Variants in LGALS9 observed in about 807,000 individuals in gnomAD.
LGALS9 encodes galectin 9, also known as galectin-9.
Under a neutral mutation model 35.9 loss-of-function variants are expected in LGALS9, and 26 were observed. The ratio of observed to expected loss-of-function variants is 0.72; its 90% CI spans 0.53 to 1.01. The LOEUF is 1.01. Among genes scored for constraint, LGALS9 ranks in the 50% least tolerant of loss-of-function variants. The pLI is 0.00. For synonymous variants in LGALS9, 149 were observed against 172.2 expected, an observed-to-expected ratio of 0.87 and a Z score of 1.06; for missense variants, 347 against 445.8, an observed-to-expected ratio of 0.78 and a Z score of 1.99.
chr17:27,636,631 A>G (rs1393476435), intron 1 of LGALS9, among the ~76,000 whole-genome samples: 3 of 151,932 alleles, frequency 2.0e-5, no homozygotes, highest in Admixed American at 6.6e-5. Context: ...CACCACACCT[A>G]GCTATTTTTT....
At chr17:27,637,475 C>T (rs1218900852) in intron 1 of LGALS9, among the ~76,000 whole-genome samples, 1 of 152,200 alleles carries the variant, frequency 6.6e-6, no homozygotes, top group Non-Finnish European at 1.5e-5. Context: ...CACCATGGCC[C>T]ATCACTCCTT....
chr17:27,642,218 C>T lies in LGALS9; in HGVS notation c.334-20C>T. On this transcript the variant is annotated intron_variant, in intron 3 of 10. Coordinates refer to ENST00000395473, the MANE Select transcript of LGALS9 (RefSeq NM_009587.3). ...CCAGCCTGGGATGCCTCCCCCAGAA[C>T]ATGTGCTCTCCTCTGGCAGGTGATG... The T allele has an allele frequency of 1.3e-6, 2 of 1,557,314 alleles. No individual in the cohort carries two copies. Among genetic ancestry groups the T allele is most frequent in the Non-Finnish European group, 1.8e-6 (2 of 1,134,968 alleles).
At chr17:27,639,927 G>A (rs150466352) in intron 2 of LGALS9, among the ~76,000 whole-genome samples, 27 of 152,196 alleles carry the variant, frequency 1.8e-4, no homozygotes, top group African/African-American at 5.8e-4. Context: ...TAGTCGAGAC[G>A]GGGTTTTACC....
Position 27,640,984 on chromosome 17 carries a change from T to G in LGALS9, c.333+211T>G, listed in dbSNP as rs573880035. The G allele has an allele frequency of 1.3e-4, 103 of 813,490 alleles. No individual in the cohort carries two copies. In the African/African-American group the frequency reaches 1.6e-3, roughly 13 times the overall value. The allele number at this position is 813,490 out of a possible 1,614,324, so 50.4% of individuals were successfully genotyped here. A position where few individuals can be genotyped will look rare whatever the true frequency, so the allele number is the denominator to read the frequency against. ...CTACAGGTGCACCTGCTGCTTCTTT[T>G]ACTCTGAAAATAAGAACTAGAGGAG... is the stretch of plus-strand genomic sequence containing the variant. On this transcript the variant is annotated intron_variant, in intron 3 of 10. Transcript: ENST00000395473.
chr17:27,634,237 C>G (rs78333678), intron 1 of LGALS9, among the ~76,000 whole-genome samples: 1 of 152,144 alleles, frequency 6.6e-6, no homozygotes. Context: ...GCTTATGACC[C>G]CTCCTGCCAT....
At position 27,647,392 on chromosome 17, in the gene LGALS9, T is replaced by G. The variant is rs1377472730; in HGVS notation, c.881T>G (p.Leu294Arg). The change falls in exon 10 of 11, where the codon CTG becomes CGG. Residue 294 changes from leucine to arginine, a missense_variant. Transcript: ENST00000395473. ...DNSWGSEERS[L>R]PRKMPFVRGQ... ...TCCTGGGGGTCTGAGGAGCGAAGTC[T>G]GCCCCGAAAAATGCCCTTCGTCCGT... The G allele has an allele frequency of 1.9e-6, 3 of 1,614,170 alleles. No individual in the cohort carries two copies. Among genetic ancestry groups the G allele is most frequent in the Non-Finnish European group, 2.5e-6 (3 of 1,180,030 alleles).
At chr17:27,638,968 C>G (rs979484487) in intron 2 of LGALS9, among the ~76,000 whole-genome samples, 2 of 152,262 alleles carry the variant, frequency 1.3e-5, no homozygotes, top group Middle Eastern at 3.4e-3. Context: ...CGAGGCACCC[C>G]GACCGGGTGG....
In LGALS9 at chr17:27,640,600, A is replaced by C. The variant is rs371419915; in HGVS notation, c.160A>C (p.Ser54Arg). Residue 54 changes from serine to arginine, a missense_variant, in exon 3 of 11, where the codon AGT becomes CGT. Coordinates refer to ENST00000395473, the MANE Select transcript of LGALS9 (RefSeq NM_009587.3). ...TGCTGTGAACTTTCAGACTGGCTTC[A>C]GTGGAAATGACATTGCCTTCCACTT... ...RFAVNFQTGF[S>R]GNDIAFHFNP... is the part of the protein sequence containing the mutation. 1.2e-6 allele frequency: 2 copies of C among 1,614,146 alleles called. No individual in the cohort carries two copies. The highest frequency in any genetic ancestry group is 1.7e-6 in the Non-Finnish European group (2 of 1,179,960).
At chr17:27,646,509 G>A in intron 7 of LGALS9, 38 bp from the exon 8 acceptor site, 1 of 1,611,980 alleles carries the variant, frequency 6.2e-7, no homozygotes, top group Non-Finnish European at 8.5e-7. Flanking sequence ...GCGCACCCAT[G>A]TGCTCTCCCA....
chr17:27,645,959 T>G (rs1265330416), intron 7 of LGALS9, 48 bp downstream of exon 7: 2 of 1,612,794 alleles, frequency 1.2e-6, no homozygotes, highest in South Asian at 2.2e-5. Context: ...GTGTCCTCCT[T>G]CACCAAAAAC....
At chr17:27,646,911 T>C in intron 8 of LGALS9, 119 bp from the exon 9 acceptor site, 1 of 1,471,156 alleles carries the variant, frequency 6.8e-7, no homozygotes, top group Non-Finnish European at 9.3e-7. Context: ...TCCTTTGGCT[T>C]TTATGGAACC....
intron 2 of LGALS9, among the ~76,000 whole-genome samples, chr17:27,639,260 G>A (rs1215578180): frequency 1.3e-5 from 2 of 152,162 alleles, no homozygotes; most frequent in Non-Finnish European, 2.9e-5. Flanking sequence ...GCCAAGGGCA[G>A]GGAGGCCCCG....
Position 27,648,886 on chromosome 17 carries a change from G to C in LGALS9, c.972G>C (p.Gln324His). 1.2e-6 allele frequency: 2 copies of C among 1,613,922 alleles called. No individual in the cohort carries two copies. Among genetic ancestry groups the C allele is most frequent in the Non-Finnish European group, 1.7e-6 (2 of 1,179,850 alleles). ...AHCLKVAVDG[Q>H]HLFEYYHRLR... Reference sequence around the variant, plus strand: ...GCCTCAAGGTGGCCGTGGATGGTCAGCACCTGTTTGAATACTACCATCGCC... The same window carrying C: ...GCCTCAAGGTGGCCGTGGATGGTCACCACCTGTTTGAATACTACCATCGCC... The change falls in exon 11 of 11, where the codon CAG becomes CAC. Residue 324 changes from glutamine (Q) to histidine (H), a missense_variant. Gln to His is a conservative substitution (Grantham distance 24). Transcript: ENST00000395473.
Position 27,646,595 on chromosome 17 carries a change from G to C in LGALS9, c.669+7G>C. 5 of 1,612,760 alleles carry C rather than the reference G, an allele frequency of 3.1e-6. No homozygotes were observed. The highest frequency in any genetic ancestry group is 4.2e-6 in the Non-Finnish European group (5 of 1,179,968). On this transcript the variant is annotated splice_region_variant and intron_variant, in intron 8 of 10. Transcript: ENST00000395473. ...GTACCCCCACCCCGCCTATGTAAGT[G>C]GTTTCTCAGGGAGGGCAGAGGTTCT...
Position 27,638,208 on chromosome 17 carries a change from G to A in LGALS9, c.40-55G>A, listed in dbSNP as rs547293471. On this transcript the variant is annotated intron_variant, in intron 1 of 10. Coordinates refer to ENST00000395473, the MANE Select transcript of LGALS9 (RefSeq NM_009587.3). ...GCTGGCCACTGACTAGCGCTGGAGGGGAGCAAACGGGAGGCCGGCCACCTG... is the reference window on the plus strand; with the variant it reads ...GCTGGCCACTGACTAGCGCTGGAGGAGAGCAAACGGGAGGCCGGCCACCTG... The A allele has an allele frequency of 2.5e-4, 194 of 765,028 alleles. 7 individuals carry two copies. The highest frequency in any genetic ancestry group is 3.9e-4 in the Non-Finnish European group (168 of 433,780). 47.4% of individuals were successfully genotyped at this position (765,028 alleles called of 1,614,324 possible).
intron 10 of LGALS9, among the ~76,000 whole-genome samples, chr17:27,647,754 C>T (rs537748607): frequency 6.6e-6 from 1 of 152,312 alleles, no homozygotes; most frequent in African/African-American, 2.4e-5. Context: ...ATTTTCTTGT[C>T]GCCTGCTTTG....
Position 27,640,706 on chromosome 17 carries a change from C to T in LGALS9, c.266C>T (p.Thr89Ile). ...NGSWGPEERK[T>I]HMPFQKGMPF... Reference sequence around the variant, plus strand: ...AGCTGGGGGCCCGAGGAGAGGAAGACACACATGCCTTTCCAGAAGGGGATG... The same window carrying T: ...AGCTGGGGGCCCGAGGAGAGGAAGATACACATGCCTTTCCAGAAGGGGATG... Residue 89 changes from threonine to isoleucine, a missense_variant, in exon 3 of 11, where the codon ACA becomes ATA. Physicochemically the swap from Thr to Ile is moderately conservative, Grantham distance 89 (BLOSUM62 -1). Transcript: ENST00000395473. 1.2e-6 allele frequency: 2 copies of T among 1,614,214 alleles called. No homozygotes were observed. Among genetic ancestry groups the T allele is most frequent in the South Asian group, 1.1e-5 (1 of 91,082 alleles).
intron 1 of LGALS9, among the ~76,000 whole-genome samples, chr17:27,635,923 C>G (rs2074445522): frequency 6.6e-6 from 1 of 152,204 alleles, no homozygotes; most frequent in African/African-American, 2.4e-5. Flanking sequence ...TTCCCCTACA[C>G]TGCTGGTGTA....
chr17:27,646,683 T>C (rs996828107), intron 8 of LGALS9, 95 bp downstream of exon 8: 3 of 1,580,430 alleles, frequency 1.9e-6, no homozygotes, highest in Non-Finnish European at 2.6e-6. Context: ...CCTTGAAAAA[T>C]TAAAAGCAGT....
Sources: gnomAD v4.1 joint callset for allele counts (sites outside exome capture counted in the v4.1 genomes callset) on GRCh38, gnomAD v4.1.1 for gene constraint, MANE v1.5 for transcripts, NCBI Gene and HGNC (gene_info 2026-07-23, HGNC 2026-07-21) for gene names.